The following RIMBP2 variants were observed in gnomAD, a reference collection of about 807,000 sequenced individuals.
The protein encoded by RIMBP2 is RIMS-binding protein 2.
RIMBP2 carries 48 observed loss-of-function variants against 118.6 expected under a neutral mutation model. The observed-to-expected ratio is 0.40, with a 90% CI of 0.32 to 0.51. The LOEUF is 0.51. Ranked by LOEUF, RIMBP2 falls within the 20% of genes least tolerant of loss-of-function variation. RIMBP2 has a pLI of 0.41. For synonymous variants in RIMBP2, 762 were observed against 742.9 expected (o/e 1.03, Z -0.42); for missense variants, 1,551 against 1,768.3 (o/e 0.88, Z 2.20).
intron 7 of RIMBP2, among the ~76,000 whole-genome samples, chr12:130,452,307 C>G (rs184525803): frequency 1.3e-5 from 2 of 152,320 alleles, no homozygotes; most frequent in Admixed American, 6.5e-5. Context: ...TCCACAACGG[C>G]TGCCCTAGGA....
chr12:130,701,259 C>T (rs963930364), intron 1 of RIMBP2, among the ~76,000 whole-genome samples: 2 of 152,180 alleles, frequency 1.3e-5, no homozygotes, highest in African/African-American at 2.4e-5. Context: ...CTGTAAGCCC[C>T]CCTAACACAG....
In RIMBP2 at chr12:130,585,229, G is replaced by C. The variant is rs995021956; in HGVS notation, c.-217+43093C>G. Among the ~76,000 whole-genome samples the C allele has an allele frequency of 7.2e-5, 11 of 152,164 alleles. No individual in the cohort carries two copies. In the South Asian group the frequency reaches 2.3e-3, roughly 32 times the overall value. ...ATCATTGCTACCATTATAAGCCGTG[G>C]GTGTAACCATGTCCCCCACGGAGTG... On this transcript the variant is annotated intron_variant, in intron 2 of 22. Transcript: ENST00000690449.
At chr12:130,502,082 A>G (rs2049847290) in intron 4 of RIMBP2, among the ~76,000 whole-genome samples, 1 of 152,204 alleles carries the variant, frequency 6.6e-6, no homozygotes, top group African/African-American at 2.4e-5. Context: ...CCTGGCCAGA[A>G]GCCCTGTCTT....
Position 130,581,302 on chromosome 12 carries a change from G to A in RIMBP2, c.-217+47020C>T, listed in dbSNP as rs56901935. Among the ~76,000 whole-genome samples the A allele has an allele frequency of 0.1, 15,139 of 152,090 alleles. 904 individuals are homozygous for A. The highest frequency in any genetic ancestry group is 0.17 in the African/African-American group (7,123 of 41,422). ...AGGGTGGGGGGCGTGGATCTGGTGA[G>A]CTGAAGCCCACACAGGGGCCCCATC... On this transcript the variant is annotated intron_variant, in intron 2 of 22. Coordinates refer to ENST00000690449, the MANE Select transcript of RIMBP2 (RefSeq NM_001393629.1). This position sits in a 1 kb window ranked among gnomAD's most constrained non-coding sequence, Gnocchi z 4.4.
In RIMBP2 at chr12:130,479,019, G is replaced by A. The variant is rs761633103; in HGVS notation, c.-3-3C>T. The A allele has an allele frequency of 1.9e-6, 3 of 1,612,188 alleles. No homozygotes were observed. Among genetic ancestry groups the A allele is most frequent in the Admixed American group, 3.3e-5 (2 of 59,894 alleles). ...CGTTCAGCCGCCTCTCGCATATGCT[G>A]TGGGGACAGAGAGAGGCCTGGCTGA... On this transcript the variant is annotated splice_polypyrimidine_tract_variant and splice_region_variant and intron_variant, in intron 4 of 22. Transcript: ENST00000690449.
chr12:130,397,942 A>G (rs1161467247), intron 22 of RIMBP2: 1 of 155,902 alleles, frequency 6.4e-6, no homozygotes, highest in Non-Finnish European at 1.4e-5. Context: ...ATTTTGTTGT[A>G]TTTGAAACTA....
intron 5 of RIMBP2, among the ~76,000 whole-genome samples, chr12:130,474,474 G>A (rs182325065): frequency 1.4e-4 from 21 of 152,300 alleles, no homozygotes; most frequent in South Asian, 6.2e-4. Context: ...AGTCCGACGC[G>A]CCTTTCACGG....
Position 130,475,664 on chromosome 12 carries a change from ACT to A in RIMBP2, c.102+3246_102+3247del. On this transcript the variant is annotated intron_variant, in intron 5 of 22. Coordinates refer to ENST00000690449, the MANE Select transcript of RIMBP2 (RefSeq NM_001393629.1). The surrounding 1 kb of genome is among the most constrained non-coding windows in gnomAD (Gnocchi z 4.1). Reference sequence around the variant, plus strand: ...ATCAGAAGCCCCCCAGAGGACTGAGACTCTCTTGAGAGGAATTTTACAGCTTC... The same window carrying A: ...ATCAGAAGCCCCCCAGAGGACTGAGACTCTTGAGAGGAATTTTACAGCTTC... Among the ~76,000 whole-genome samples the A allele has an allele frequency of 6.6e-6, 1 of 151,884 alleles. No individual in the cohort carries two copies. Among genetic ancestry groups the A allele is most frequent in the Non-Finnish European group, 1.5e-5 (1 of 67,996 alleles).
chr12:130,423,629 A>G (rs1199951680), intron 16 of RIMBP2, among the ~76,000 whole-genome samples: 2 of 151,348 alleles, frequency 1.3e-5, no homozygotes, highest in Non-Finnish European at 2.9e-5. Flanking sequence ...GAAATGGGAA[A>G]AAAACAAGAA....
intron 4 of RIMBP2, among the ~76,000 whole-genome samples, chr12:130,484,188 G>A (rs12578841): frequency 2.0e-5 from 3 of 152,290 alleles, no homozygotes; most frequent in East Asian, 1.9e-4. Context: ...AAAGCCCCTC[G>A]GTGGGGAGTA....
intron 4 of RIMBP2, among the ~76,000 whole-genome samples, chr12:130,494,097 C>T (rs528261040): frequency 6.6e-6 from 1 of 152,284 alleles, no homozygotes; most frequent in East Asian, 1.9e-4. Flanking sequence ...CTGAGGCTCA[C>T]GGAGATGACT....
intron 1 of RIMBP2, among the ~76,000 whole-genome samples, chr12:130,632,100 C>T (rs1045331059): frequency 6.6e-6 from 1 of 152,258 alleles, no homozygotes; most frequent in African/African-American, 2.4e-5. Flanking sequence ...GGTCCACCTA[C>T]TTCATCGTGG....
In RIMBP2 at chr12:130,581,667, G is replaced by T. The variant is rs556635308; in HGVS notation, c.-217+46655C>A. Among the ~76,000 whole-genome samples, 1 of 152,100 alleles carries T rather than the reference G, an allele frequency of 6.6e-6. No homozygotes were observed. The highest frequency in any genetic ancestry group is 1.5e-5 in the Non-Finnish European group (1 of 68,018). On this transcript the variant is annotated intron_variant, in intron 2 of 22. Transcript: ENST00000690449. The surrounding 1 kb of genome is among the most constrained non-coding windows in gnomAD (Gnocchi z 4.4). ...TGGACTCTGACTTCAGGACATACCC[G>T]GAACGTAAGTACTTTCTCCACAGCT...
In RIMBP2 at chr12:130,436,916, CCTGTGG is replaced by C; in HGVS notation, c.2026_2031del (p.Pro676_Gln677del). Reference sequence around the variant, plus strand: ...GCGACGGTGGTGGACACCGGGGTGCCCTGTGGCTGTGGCAGGATGCGGCTGGGTGAG... The same window carrying C: ...GCGACGGTGGTGGACACCGGGGTGCCCTGTGGCAGGATGCGGCTGGGTGAG... On this transcript the variant is annotated inframe_deletion, in exon 13 of 23. Coordinates refer to ENST00000690449, the MANE Select transcript of RIMBP2 (RefSeq NM_001393629.1). 2 of 1,603,334 alleles carry C rather than the reference CCTGTGG, an allele frequency of 1.2e-6. No individual in the cohort carries two copies. Among genetic ancestry groups the C allele is most frequent in the Non-Finnish European group, 8.5e-7 (1 of 1,176,130 alleles).
intron 19 of RIMBP2, among the ~76,000 whole-genome samples, chr12:130,410,280 A>C (rs1168257917): frequency 6.6e-6 from 1 of 152,186 alleles, no homozygotes; most frequent in Non-Finnish European, 1.5e-5. Context: ...TCTGAATGCA[A>C]ATCCTTTTTC....
chr12:130,482,316 T>C (rs1473859173), intron 4 of RIMBP2, among the ~76,000 whole-genome samples: 1 of 152,234 alleles, frequency 6.6e-6, no homozygotes, highest in African/African-American at 2.4e-5. Flanking sequence ...CTGGATTTAT[T>C]GAGCACCTAC....
At chr12:130,568,956 T>A (rs1322796175) in intron 2 of RIMBP2, among the ~76,000 whole-genome samples, 3 of 151,952 alleles carry the variant, frequency 2.0e-5, no homozygotes, top group Non-Finnish European at 4.4e-5. Context: ...CCATTGTAAC[T>A]ATTGGAGCTG....
At chr12:130,460,254 C>T (rs978721361) in intron 6 of RIMBP2, among the ~76,000 whole-genome samples, 1 of 152,138 alleles carries the variant, frequency 6.6e-6, no homozygotes, top group Non-Finnish European at 1.5e-5. Context: ...TGCTCCAGGC[C>T]CCACTCTGTG....
intron 2 of RIMBP2, among the ~76,000 whole-genome samples, chr12:130,537,833 C>T (rs544905544): frequency 6.6e-6 from 1 of 152,316 alleles, no homozygotes; most frequent in East Asian, 1.9e-4. Flanking sequence ...ATTAGAGAGG[C>T]TATGTCAGCG....
Sources: allele counts gnomAD v4.1 joint callset (sites outside exome capture counted in the v4.1 genomes callset), GRCh38; gene constraint gnomAD v4.1.1; non-coding constraint Gnocchi (gnomAD v3.1); transcripts MANE v1.5; gene names NCBI Gene and HGNC (gene_info 2026-07-23, HGNC 2026-07-21).